SDR42E1: variants seen among roughly 807,000 people sequenced by gnomAD.
SDR42E1 encodes short chain dehydrogenase/reductase family 42E, member 1.
Under a neutral mutation model 2.6 loss-of-function variants are expected in SDR42E1, and 5 were observed. That is an observed-to-expected ratio of 1.94 (90% CI 1.01 to 4.08). The LOEUF (loss-of-function observed/expected upper bound fraction) is 4.08, where lower values mean the gene tolerates loss of function less well. Among genes scored for constraint, SDR42E1 ranks in the 30% most tolerant of loss-of-function variants. SDR42E1 has a pLI of 0.00. For missense variants in SDR42E1, 596 were observed against 478.6 expected, an observed-to-expected ratio of 1.25 and a Z score of -2.29; for synonymous variants, 231 against 188.3, an observed-to-expected ratio of 1.23 and a Z score of -1.86.
Position 81,993,252 on chromosome 16 carries a change from C to T in SDR42E1, c.*5859G>A, listed in dbSNP as rs1276558649. 6.6e-6 allele frequency: 1 copy of T among 152,088 alleles called. No homozygotes were observed. Among genetic ancestry groups the T allele is most frequent in the Admixed American group, 6.6e-5 (1 of 15,254 alleles). The allele number at this position is 152,088 out of a possible 1,614,324, so 9.4% of individuals were successfully genotyped here. Reference sequence around the variant, plus strand: ...GGAAGAGCCAAGCAGAAGTCAGGAGCCTCTCAGCATCTTGCAAGGGAGCCA... The same window carrying T: ...GGAAGAGCCAAGCAGAAGTCAGGAGTCTCTCAGCATCTTGCAAGGGAGCCA... On this transcript the variant is annotated 3_prime_UTR_variant, in exon 3 of 3. Transcript: ENST00000328945.
rs771959935 is a variant in SDR42E1, at chr16:81,989,527, T to G, written c.*9584A>C. On this transcript the variant is annotated 3_prime_UTR_variant, in exon 3 of 3. Transcript: ENST00000328945. Reference sequence around the variant, plus strand: ...TGTAGAAATAAAAGCTTGATGATTTTGGGTTGGCTTTCTAGCCCCACAATT... The same window carrying G: ...TGTAGAAATAAAAGCTTGATGATTTGGGGTTGGCTTTCTAGCCCCACAATT... 6.6e-6 allele frequency: 1 copy of G among 152,230 alleles called. No homozygotes were observed. Among genetic ancestry groups the G allele is most frequent in the Non-Finnish European group, 1.5e-5 (1 of 68,042 alleles). The allele number at this position is 152,230 out of a possible 1,614,324, so 9.4% of individuals were successfully genotyped here. A position where few individuals can be genotyped will look rare whatever the true frequency, so the allele number is the denominator to read the frequency against.
intron 1 of SDR42E1, among the ~76,000 whole-genome samples, chr16:82,010,012 C>G (rs1913074480): frequency 6.6e-6 from 1 of 152,226 alleles, no homozygotes; most frequent in Non-Finnish European, 1.5e-5. Flanking sequence ...TACACAAGCT[C>G]TCTTGCCTGC....
At position 81,995,873 on chromosome 16, in the gene SDR42E1, C is replaced by T. The variant is rs1912530511; in HGVS notation, c.*3238G>A. The T allele has an allele frequency of 6.6e-6, 1 of 152,158 alleles. No individual in the cohort carries two copies. Among genetic ancestry groups the T allele is most frequent in the South Asian group, 2.1e-4 (1 of 4,830 alleles). 9.4% of individuals were successfully genotyped at this position (152,158 alleles called of 1,614,324 possible). A position where few individuals can be genotyped will look rare whatever the true frequency, so the allele number is the denominator to read the frequency against. On this transcript the variant is annotated 3_prime_UTR_variant, in exon 3 of 3. Coordinates refer to ENST00000328945, the MANE Select transcript of SDR42E1 (RefSeq NM_145168.3). ...TATGAGCAATGCTATAAAAGAAAGGCAGGAAGCTATGACAGGCCTGTAGCA... is the reference window on the plus strand; with the variant it reads ...TATGAGCAATGCTATAAAAGAAAGGTAGGAAGCTATGACAGGCCTGTAGCA...
chr16:82,008,110 A>G (rs1913008773), intron 1 of SDR42E1, among the ~76,000 whole-genome samples: 2 of 152,320 alleles, frequency 1.3e-5, no homozygotes, highest in Non-Finnish European at 2.9e-5. Context: ...ATTCCCCTAC[A>G]CAAACTCTCT....
rs1912473881 is a variant in SDR42E1 at position 81,993,485 on chromosome 16, A to G, written c.*5626T>C. On this transcript the variant is annotated 3_prime_UTR_variant, in exon 3 of 3. Transcript: ENST00000328945. ...GCCCCCGTGCTTTTCTGGTTGTTAC[A>G]GTGAAAGGACCGATTCCAGAGCTTC... 1 of 152,202 alleles carries G rather than the reference A, an allele frequency of 6.6e-6. No individual in the cohort carries two copies. The highest frequency in any genetic ancestry group is 1.5e-5 in the Non-Finnish European group (1 of 68,052). The allele number at this position is 152,202 out of a possible 1,614,324, so 9.4% of individuals were successfully genotyped here.
chr16:82,010,674 G>A (rs868062349), intron 1 of SDR42E1, among the ~76,000 whole-genome samples: 1 of 152,156 alleles, frequency 6.6e-6, no homozygotes, highest in Admixed American at 6.5e-5. Context: ...GAGTTGTCCC[G>A]CCTTTCCAGA....
At chr16:82,003,829 G>A (rs549980036) in intron 1 of SDR42E1, among the ~76,000 whole-genome samples, 1 of 152,308 alleles carries the variant, frequency 6.6e-6, no homozygotes, top group Non-Finnish European at 1.5e-5. Context: ...CTTCTGGGGT[G>A]TCCCTACTAG....
In SDR42E1 at chr16:81,991,844, T is replaced by C. The variant is rs1912435638; in HGVS notation, c.*7267A>G. 6.6e-6 allele frequency: 1 copy of C among 152,122 alleles called. No homozygotes were observed. The highest frequency in any genetic ancestry group is 2.4e-5 in the African/African-American group (1 of 41,400). The allele number at this position is 152,122 out of a possible 1,614,324, so 9.4% of individuals were successfully genotyped here. A position where few individuals can be genotyped will look rare whatever the true frequency, so the allele number is the denominator to read the frequency against. Reference sequence around the variant, plus strand: ...CTCCCTAAGCCTCAGTTTCCTCCCATGTAAACTGGAGATAATAAATTGATC... The same window carrying C: ...CTCCCTAAGCCTCAGTTTCCTCCCACGTAAACTGGAGATAATAAATTGATC... On this transcript the variant is annotated 3_prime_UTR_variant, in exon 3 of 3. Coordinates refer to ENST00000328945, the MANE Select transcript of SDR42E1 (RefSeq NM_145168.3).
At position 81,994,609 on chromosome 16, in the gene SDR42E1, C is replaced by T. The variant is rs756606675; in HGVS notation, c.*4502G>A. ...AACAGCACACAACCTGGTGTGCCATCTCTAAGCAAGAGATGCTGGTGAAGA... is the reference window on the plus strand; with the variant it reads ...AACAGCACACAACCTGGTGTGCCATTTCTAAGCAAGAGATGCTGGTGAAGA... On this transcript the variant is annotated 3_prime_UTR_variant, in exon 3 of 3. Coordinates refer to ENST00000328945, the MANE Select transcript of SDR42E1 (RefSeq NM_145168.3). The T allele has an allele frequency of 6.6e-6, 1 of 152,184 alleles. No individual in the cohort carries two copies. Among genetic ancestry groups the T allele is most frequent in the African/African-American group, 2.4e-5 (1 of 41,440 alleles). 9.4% of individuals were successfully genotyped at this position (152,184 alleles called of 1,614,324 possible). A position where few individuals can be genotyped will look rare whatever the true frequency, so the allele number is the denominator to read the frequency against.
At chr16:82,001,333 G>A (rs1462042005) in intron 1 of SDR42E1, among the ~76,000 whole-genome samples, 8 of 152,022 alleles carry the variant, frequency 5.3e-5, no homozygotes, top group South Asian at 2.1e-4. Context: ...TTAAAATTTC[G>A]CACTGCAGCA....
At chr16:82,001,859 G>A (rs939735687) in intron 1 of SDR42E1, among the ~76,000 whole-genome samples, 3 of 146,044 alleles carry the variant, frequency 2.1e-5, no homozygotes, top group Admixed American at 7.0e-5. Flanking sequence ...CGAAGATCGC[G>A]CCACTGCACT....
At chr16:82,001,998 C>CACACACACG (rs1912784057) in intron 1 of SDR42E1, among the ~76,000 whole-genome samples, 2 of 149,376 alleles carry the variant, frequency 1.3e-5, no homozygotes, top group African/African-American at 5.1e-5. Context: ...ACACATATAC[C>CACACACACG]TGTGCTCAAG....
chr16:81,997,052 A>G lies in SDR42E1; in HGVS notation c.*2059T>C, dbSNP rs1912557889. On this transcript the variant is annotated 3_prime_UTR_variant, in exon 3 of 3. Transcript: ENST00000328945. ...ATTGTCCCTTGGCAGTCTGAGCAGA[A>G]GCTCACAGTGGAGAACTTACCTCAG... is the stretch of plus-strand genomic sequence containing the variant. 1 of 152,224 alleles carries G rather than the reference A, an allele frequency of 6.6e-6. No individual in the cohort carries two copies. The highest frequency in any genetic ancestry group is 1.5e-5 in the Non-Finnish European group (1 of 68,046). 9.4% of individuals were successfully genotyped at this position (152,224 alleles called of 1,614,324 possible).
chr16:82,002,420 G>A (rs1287811588), intron 1 of SDR42E1, among the ~76,000 whole-genome samples: 2 of 152,172 alleles, frequency 1.3e-5, no homozygotes, highest in Non-Finnish European at 2.9e-5. Context: ...AGGCAGCATG[G>A]TACAGTGGAA....
chr16:82,008,036 G>C (rs1913004612), intron 1 of SDR42E1, among the ~76,000 whole-genome samples: 1 of 152,246 alleles, frequency 6.6e-6, no homozygotes, highest in South Asian at 2.1e-4. Flanking sequence ...CATGGGGGCG[G>C]GTCTTTCCTG....
At chr16:82,001,963 C>CACACACACACAG (rs1912780944) in intron 1 of SDR42E1, among the ~76,000 whole-genome samples, 1 of 136,908 alleles carries the variant, frequency 7.3e-6, no homozygotes, top group African/African-American at 2.9e-5. Context: ...GGTGCGTATA[C>CACACACACACAG]ACACACACAC....
In SDR42E1 at chr16:81,999,465, T is replaced by A; in HGVS notation, c.828A>T (p.Thr276=). Reference sequence around the variant, plus strand: ...TCAATGGCAGGCGGGTAGACGGGAATGTGTAGCCCAGGCCCTCAACCAGAG... The same window carrying A: ...TCAATGGCAGGCGGGTAGACGGGAAAGTGTAGCCCAGGCCCTCAACCAGAG... ...FRPLVEGLGY[T]FPSTRLPLTL... Residue 276 remains threonine, a synonymous_variant, in exon 3 of 3, where the codon ACA becomes ACT. Transcript: ENST00000328945. 1 of 1,614,088 alleles carries A rather than the reference T, an allele frequency of 6.2e-7. No individual in the cohort carries two copies. Among genetic ancestry groups the A allele is most frequent in the Non-Finnish European group, 8.5e-7 (1 of 1,180,008 alleles).
chr16:82,001,080 G>A (rs933537695), intron 1 of SDR42E1, among the ~76,000 whole-genome samples, 196 bp from the exon 2 acceptor site: 1 of 152,096 alleles, frequency 6.6e-6, no homozygotes, highest in Admixed American at 6.6e-5. Flanking sequence ...TGTAACATGG[G>A]GACAGTAATA....
rs867424724 is a variant in SDR42E1, at chr16:82,002,517, C to G, written c.-26-1633G>C. Among the ~76,000 whole-genome samples the G allele has an allele frequency of 2.6e-5, 4 of 152,128 alleles. No homozygotes were observed. In the South Asian group the frequency reaches 8.3e-4, roughly 32 times the overall value. ...TTATGTGTATGTTAGCCATTTAATC[C>G]TTTTAATAATCTTACTAGGAAAGTA... On this transcript the variant is annotated intron_variant, in intron 1 of 2. Coordinates refer to ENST00000328945, the MANE Select transcript of SDR42E1 (RefSeq NM_145168.3).
Sources: gnomAD v4.1 joint callset for allele counts (sites outside exome capture counted in the v4.1 genomes callset) on GRCh38, gnomAD v4.1.1 for gene constraint, MANE v1.5 for transcripts, NCBI Gene and HGNC (gene_info 2026-07-23, HGNC 2026-07-21) for gene names.